PHF12: variants seen among roughly 807,000 people sequenced by gnomAD.
PHF12 encodes PHD finger protein 12.
In PHF12, 6 loss-of-function variants were observed where a neutral mutation model predicts 99.8. The ratio of observed to expected loss-of-function variants is 0.06; its 90% CI spans 0.03 to 0.12. The LOEUF (loss-of-function observed/expected upper bound fraction) is 0.12. Among genes scored for constraint, PHF12 ranks in the 10% least tolerant of loss-of-function variants. The pLI is 1.00. For synonymous variants in PHF12, 480 were observed against 514.9 expected (o/e 0.93, Z 0.92); for missense variants, 954 against 1,300.1 (o/e 0.73, Z 4.09).
chr17:28,945,230 G>A (rs2040700163), intron 2 of PHF12: 1 of 152,176 alleles, frequency 6.6e-6, no homozygotes, highest in Admixed American at 6.5e-5. Flanking sequence ...TGGAGACCCT[G>A]TATCCAAAAA....
At chr17:28,948,977 T>C (rs1017379450) in intron 2 of PHF12, among the ~76,000 whole-genome samples, 1 of 152,096 alleles carries the variant, frequency 6.6e-6, no homozygotes, top group Non-Finnish European at 1.5e-5. Context: ...CGGCAGAAGA[T>C]GGAGTTTAAA....
Position 28,949,855 on chromosome 17 carries a change from C to T in PHF12, c.248+210G>A. 1.8e-6 allele frequency: 1 copy of T among 569,792 alleles called. No individual in the cohort carries two copies. The highest frequency in any genetic ancestry group is 3.1e-6 in the Non-Finnish European group (1 of 326,264). 35.3% of individuals were successfully genotyped at this position (569,792 alleles called of 1,614,324 possible). On this transcript the variant is annotated intron_variant, in intron 2 of 14. Transcript: ENST00000332830. This position sits in a 1 kb window ranked among gnomAD's most constrained non-coding sequence, Gnocchi z 4.6. ...TCTCTTCACTCGTCCCAACCCCCAC[C>T]TCGGGGTCCGGACCCACCGCTGCTC...
At position 28,906,148 on chromosome 17, in the gene PHF12, G is replaced by A. The variant is rs1437608862; in HGVS notation, c.*35C>T. ...TTTTTGCATTGCAGGAGTCTTGGGT[G>A]GGTGTACAGGCCAGTGGCGGGGTAG... On this transcript the variant is annotated 3_prime_UTR_variant, in exon 15 of 15. Coordinates refer to ENST00000332830, the MANE Select transcript of PHF12 (RefSeq NM_001033561.2). The surrounding 1 kb of genome is among the most constrained non-coding windows in gnomAD (Gnocchi z 4.2). 1.3e-6 allele frequency: 2 copies of A among 1,547,768 alleles called. No homozygotes were observed. The highest frequency in any genetic ancestry group is 2.7e-5 in the African/African-American group (2 of 73,454).
intron 12 of PHF12, 132 bp from the exon 13 acceptor site, chr17:28,907,804 C>T (rs2039895816): frequency 1.5e-6 from 1 of 674,804 alleles, no homozygotes; most frequent in African/African-American, 1.8e-5. Context: ...GTGAGTAGCT[C>T]AGGGCCCTCC....
At position 28,906,911 on chromosome 17, in the gene PHF12, C is replaced by G. The variant is rs371551991; in HGVS notation, c.2625G>C (p.Glu875Asp). Residue 875 changes from glutamate (E) to aspartate (D), a missense_variant, in exon 14 of 15, where the codon GAG becomes GAC. Around this residue, in one of 8 missense-constraint regions of PHF12, gnomAD observed 136 missense variants for 172.3 expected, o/e 0.79. Transcript: ENST00000332830. The surrounding 1 kb of genome is among the most constrained non-coding windows in gnomAD (Gnocchi z 4.2). The part of the protein sequence containing the change: ...DNVLYSCDFS[E>D]KTPPTPPSSI... ...TGCTTGGGGGGGTTGGCGGGGTCTT[C>G]TCCGAGAAGTCACATGAATACAGCA... 8.9e-5 allele frequency: 143 copies of G among 1,613,356 alleles called. No individual in the cohort carries two copies. Among genetic ancestry groups the G allele is most frequent in the Non-Finnish European group, 1.1e-4 (130 of 1,179,700 alleles).
At chr17:28,907,026 G>C in intron 13 of PHF12, 32 bp from the exon 14 acceptor site, 1 of 1,582,528 alleles carries the variant, frequency 6.3e-7, no homozygotes, top group Non-Finnish European at 8.6e-7. Flanking sequence ...AAGATGTGTG[G>C]TCTGCTGTGT....
Position 28,950,413 on chromosome 17 carries a change from C to A in PHF12, c.67-167G>T, listed in dbSNP as rs1476233029. ...TCAGCCCCCGGAACCAGGGGGAGCC[C>A]ACCCTAACCGCGTTCCTGCAGCACA... On this transcript the variant is annotated intron_variant, in intron 1 of 14. Coordinates refer to ENST00000332830, the MANE Select transcript of PHF12 (RefSeq NM_001033561.2). This position sits in a 1 kb window ranked among gnomAD's most constrained non-coding sequence, Gnocchi z 5.7. 2.9e-6 allele frequency: 2 copies of A among 701,238 alleles called. No homozygotes were observed. The highest frequency in any genetic ancestry group is 5.5e-5 in the East Asian group (2 of 36,168). The allele number at this position is 701,238 out of a possible 1,614,324, so 43.4% of individuals were successfully genotyped here.
chr17:28,927,783 TGA>T (rs2040310744), intron 2 of PHF12: 1 of 152,258 alleles, frequency 6.6e-6, no homozygotes, highest in African/African-American at 2.4e-5. Context: ...TGTCATGCTA[TGA>T]GAGAGGACAT....
chr17:28,911,050 C>T, intron 10 of PHF12, 62 bp downstream of exon 10: 2 of 1,605,658 alleles, frequency 1.2e-6, no homozygotes, highest in Non-Finnish European at 8.5e-7. Context: ...GAGCTGAATG[C>T]TGTATAGGAA....
chr17:28,922,738 T>G (rs2040188522), intron 4 of PHF12, among the ~76,000 whole-genome samples: 1 of 152,138 alleles, frequency 6.6e-6, no homozygotes, highest in Admixed American at 6.5e-5. Flanking sequence ...TGGCACTGGT[T>G]AAATAAATTA....
At chr17:28,931,016 G>GT (rs1280393483) in intron 2 of PHF12, among the ~76,000 whole-genome samples, 1 of 152,204 alleles carries the variant, frequency 6.6e-6, no homozygotes, top group Non-Finnish European at 1.5e-5. Flanking sequence ...AGCCGTGATC[G>GT]TGCCACTGCA....
intron 6 of PHF12, 133 bp from the exon 7 acceptor site, chr17:28,917,582 CG>C: frequency 1.1e-6 from 1 of 944,578 alleles, no homozygotes; most frequent in Non-Finnish European, 1.5e-6. Context: ...ACCAGGATGT[CG>C]GCACTCTTTG....
intron 2 of PHF12, among the ~76,000 whole-genome samples, chr17:28,934,146 A>T (rs775636943): frequency 6.6e-6 from 1 of 152,210 alleles, no homozygotes; most frequent in Non-Finnish European, 1.5e-5. Flanking sequence ...AAGTGCTGGT[A>T]TTTCAGACAT....
intron 5 of PHF12, among the ~76,000 whole-genome samples, chr17:28,920,018 A>G (rs747605782): frequency 3.9e-5 from 6 of 152,228 alleles, no homozygotes; most frequent in African/African-American, 1.4e-4. Context: ...AGTCTTAACT[A>G]TAGCAAGAAA....
chr17:28,920,382 G>C (rs1421137746), intron 5 of PHF12, among the ~76,000 whole-genome samples: 1 of 152,210 alleles, frequency 6.6e-6, no homozygotes, highest in East Asian at 1.9e-4. Context: ...GCTGGTTTCT[G>C]TCAAAGAGAT....
Position 28,906,634 on chromosome 17 carries a change from G to T in PHF12, c.2681-117C>A. ...TTCCAACTGCTGCATGACTAGGGAGGAAGGATGCTCAGAAAGGGTTGGTGG... is the reference window on the plus strand; with the variant it reads ...TTCCAACTGCTGCATGACTAGGGAGTAAGGATGCTCAGAAAGGGTTGGTGG... On this transcript the variant is annotated intron_variant, in intron 14 of 14. Coordinates refer to ENST00000332830, the MANE Select transcript of PHF12 (RefSeq NM_001033561.2). This position sits in a 1 kb window ranked among gnomAD's most constrained non-coding sequence, Gnocchi z 4.2. The T allele has an allele frequency of 7.8e-7, 1 of 1,286,004 alleles. No individual in the cohort carries two copies. The allele number at this position is 1,286,004 out of a possible 1,614,324, so 79.7% of individuals were successfully genotyped here. A position where few individuals can be genotyped will look rare whatever the true frequency, so the allele number is the denominator to read the frequency against.
Position 28,922,112 on chromosome 17 carries a change from A to G in PHF12, c.716-304T>C, listed in dbSNP as rs1170403728. 2.6e-5 allele frequency among the ~76,000 whole-genome samples: 4 copies of G among 151,708 alleles called. No homozygotes were observed. The East Asian group carries it at 7.9e-4, about 30-fold the overall frequency. ...TAGGTTAGATACAGGCAACCTAAGAAATGTAAATGTCCAAGCCACATAGTC... is the reference window on the plus strand; with the variant it reads ...TAGGTTAGATACAGGCAACCTAAGAGATGTAAATGTCCAAGCCACATAGTC... On this transcript the variant is annotated intron_variant, in intron 4 of 14. Transcript: ENST00000332830.
chr17:28,910,384 G>C lies in PHF12; in HGVS notation c.2216-15C>G. 2 of 1,600,886 alleles carry C rather than the reference G, an allele frequency of 1.2e-6. No homozygotes were observed. The highest frequency in any genetic ancestry group is 4.5e-5 in the East Asian group (2 of 44,606). On this transcript the variant is annotated splice_polypyrimidine_tract_variant and intron_variant, in intron 10 of 14. Transcript: ENST00000332830. ...TATCTCGATTTCTATTAGCCAAAGA[G>C]AAAGATTAAAAAGCAGCTGAGATGG...
rs1472217048 is a variant in PHF12, at chr17:28,913,118, T to C, written c.1453A>G (p.Lys485Glu). ...SVTTSLQTAD[K>E]TPTPSHYPLS... The stretch of plus-strand genomic sequence containing the variant: ...GGGTAGTGGGAAGGTGTAGGTGTCT[T>C]GTCAGCTGTTTGCAGGGAGGTGGTG... The change falls in exon 9 of 15, where the codon AAG (lysine) becomes GAG (glutamate). Residue 485 changes from lysine (K) to glutamate (E), a missense_variant. Coordinates refer to ENST00000332830, the MANE Select transcript of PHF12 (RefSeq NM_001033561.2). 2 of 1,614,048 alleles carry C rather than the reference T, an allele frequency of 1.2e-6. No homozygotes were observed. Among genetic ancestry groups the C allele is most frequent in the Middle Eastern group, 1.6e-4 (1 of 6,084 alleles).
Sources: gnomAD v4.1 joint callset for allele counts (sites outside exome capture counted in the v4.1 genomes callset) on GRCh38, gnomAD v4.1.1 for gene constraint, gnomAD v4.1.1 regional missense constraint, Gnocchi (gnomAD v3.1) non-coding constraint, MANE v1.5 for transcripts, NCBI Gene and HGNC (gene_info 2026-07-23, HGNC 2026-07-21) for gene names.